The following NT5E variants were observed in gnomAD, a reference collection of about 807,000 sequenced individuals.
The protein encoded by NT5E is 5'-nucleotidase.
In NT5E, 53 loss-of-function variants were observed where a neutral mutation model predicts 55.1. The observed-to-expected ratio is 0.96, with a 90% CI of 0.77 to 1.21. The LOEUF is 1.21. Among genes scored for constraint, NT5E ranks in the 50% most tolerant of loss-of-function variants. The probability of loss-of-function intolerance (pLI) is 0.00; values close to 1 mark genes in which losing one functional copy is unlikely to be tolerated. For synonymous variants in NT5E, 270 were observed against 278.4 expected (o/e 0.97, Z 0.30); for missense variants, 683 against 724.3 (o/e 0.94, Z 0.65).
chr6:85,458,024 C>T (rs912547893), intron 1 of NT5E, among the ~76,000 whole-genome samples: 8 of 152,082 alleles, frequency 5.3e-5, no homozygotes, highest in Admixed American at 1.3e-4. Context: ...GCATCTAAGC[C>T]GAAATCAGCA....
rs1481318710 is a variant in NT5E, at chr6:85,484,006, A to G, written c.752-1229A>G. 2.6e-5 allele frequency among the ~76,000 whole-genome samples: 4 copies of G among 152,144 alleles called. No individual in the cohort carries two copies. The East Asian group carries it at 5.8e-4, about 22-fold the overall frequency. ...GACCGTGGGTACTCTGTCTATGACA[A>G]TCAATTTTCTTGTCTGCAGAGTACA... is the stretch of plus-strand genomic sequence containing the variant. On this transcript the variant is annotated intron_variant, in intron 3 of 8. Transcript: ENST00000257770.
Position 85,471,273 on chromosome 6 carries a change from T to C in NT5E, c.599T>C (p.Leu200Ser). 6.2e-7 allele frequency: 1 copy of C among 1,611,324 alleles called. No homozygotes were observed. Residue 200 changes from leucine (L) to serine (S), a missense_variant, in exon 3 of 9, where the codon TTA becomes TCA. Leu to Ser is a moderately radical substitution (Grantham distance 145, BLOSUM62 -2). Coordinates refer to ENST00000257770, the MANE Select transcript of NT5E (RefSeq NM_002526.4). ...GTGTTTGAAGATGAAATCACTGCAT[T>C]ACAACCTGAAGTAGATAAGTTAAAA... ...NLVFEDEITA[L>S]QPEVDKLKTL... is the part of the protein sequence containing the mutation.
At chr6:85,478,779 T>C (rs1769485878) in intron 3 of NT5E, among the ~76,000 whole-genome samples, 1 of 151,540 alleles carries the variant, frequency 6.6e-6, no homozygotes, top group Non-Finnish European at 1.5e-5. Flanking sequence ...CATATTTATC[T>C]TAGACCTACT....
chr6:85,487,414 T>C lies in NT5E; in HGVS notation c.1029T>C (p.Ile343=), dbSNP rs1176076426. 1 of 1,614,134 alleles carries C rather than the reference T, an allele frequency of 6.2e-7. No individual in the cohort carries two copies. Among genetic ancestry groups the C allele is most frequent in the Non-Finnish European group, 8.5e-7 (1 of 1,179,966 alleles). The part of the protein sequence containing the change: ...NYSTQELGKT[I]VYLDGSSQSC... ...CTACCCAGGAATTAGGGAAAACAAT[T>C]GTCTATCTGGATGGCTCCTCTCAAT... Residue 343 remains isoleucine (I), a synonymous_variant, in exon 5 of 9, where the codon ATT becomes ATC. Coordinates refer to ENST00000257770, the MANE Select transcript of NT5E (RefSeq NM_002526.4).
At chr6:85,487,566 GGGATA>G (rs1217892193) in intron 5 of NT5E, 77 bp downstream of exon 5, 2 of 1,554,680 alleles carry the variant, frequency 1.3e-6, no homozygotes, top group East Asian at 4.5e-5. Context: ...GATGCGAGAA[GGGATA>G]GATCGATAGC....
At chr6:85,473,471 C>T (rs1436002150) in intron 3 of NT5E, among the ~76,000 whole-genome samples, 1 of 152,160 alleles carries the variant, frequency 6.6e-6, no homozygotes, top group African/African-American at 2.4e-5. Context: ...CACCCTTGGA[C>T]ACACAGTGGG....
chr6:85,459,919 A>G (rs9450280), intron 1 of NT5E, among the ~76,000 whole-genome samples: 24,180 of 152,240 alleles, frequency 0.16, 2,117 homozygotes, highest in African/African-American at 0.22. Context: ...TGTTTTGATT[A>G]TTAAAAATAC....
chr6:85,484,479 T>C (rs1769609133), intron 3 of NT5E, among the ~76,000 whole-genome samples: 1 of 152,068 alleles, frequency 6.6e-6, no homozygotes, highest in South Asian at 2.1e-4. Flanking sequence ...CTCCCACATC[T>C]CCCCTTTGAG....
rs938638568 is a variant in NT5E, at chr6:85,494,592, A to C, written c.*588A>C. On this transcript the variant is annotated 3_prime_UTR_variant, in exon 9 of 9. Transcript: ENST00000257770. ...AATACTTAATATCTCCTCTCTTCAT[A>C]ATTATCAATAGCCCCAAGCTCATGG... 6.5e-6 allele frequency: 1 copy of C among 153,904 alleles called. No homozygotes were observed. The highest frequency in any genetic ancestry group is 2.4e-5 in the African/African-American group (1 of 41,440). 9.5% of individuals were successfully genotyped at this position (153,904 alleles called of 1,614,324 possible). A position where few individuals can be genotyped will look rare whatever the true frequency, so the allele number is the denominator to read the frequency against.
At position 85,487,126 on chromosome 6, in the gene NT5E, T is replaced by C. The variant is rs181643338; in HGVS notation, c.950-209T>C. On this transcript the variant is annotated intron_variant, in intron 4 of 8. Transcript: ENST00000257770. Reference sequence around the variant, plus strand: ...GATGAGCTGGTAGATGTTCAGAATATTCTTAAATTAAGATGCATTCCAGGT... The same window carrying C: ...GATGAGCTGGTAGATGTTCAGAATACTCTTAAATTAAGATGCATTCCAGGT... Among the ~76,000 whole-genome samples, 214 of 152,346 alleles carry C rather than the reference T, an allele frequency of 1.4e-3. 1 individual carries two copies. Among genetic ancestry groups the C allele is most frequent in the Middle Eastern group, 0.01 (3 of 294 alleles).
chr6:85,482,928 T>G (rs951190175), intron 3 of NT5E, among the ~76,000 whole-genome samples: 2 of 152,186 alleles, frequency 1.3e-5, no homozygotes, highest in Admixed American at 1.3e-4. Flanking sequence ...AGACCAGCTA[T>G]CGCCCCAGCT....
chr6:85,469,545 A>AG (rs1769262964), intron 2 of NT5E, among the ~76,000 whole-genome samples: 1 of 152,216 alleles, frequency 6.6e-6, no homozygotes, highest in African/African-American at 2.4e-5. Context: ...CAAGTGCAGC[A>AG]GGGGGGAAGG....
chr6:85,462,754 C>G (rs1479799101), intron 1 of NT5E, among the ~76,000 whole-genome samples: 1 of 152,202 alleles, frequency 6.6e-6, no homozygotes, highest in African/African-American at 2.4e-5. Context: ...TAAAACTTTT[C>G]AGAAGTCAGG....
intron 4 of NT5E, among the ~76,000 whole-genome samples, chr6:85,486,041 T>A (rs558929838): frequency 1.3e-5 from 2 of 152,320 alleles, no homozygotes; most frequent in African/African-American, 4.8e-5. Context: ...AACAATGCAC[T>A]GGATATACCA....
chr6:85,480,823 CTT>C (rs1769532551), intron 3 of NT5E, among the ~76,000 whole-genome samples: 1 of 152,208 alleles, frequency 6.6e-6, no homozygotes, highest in South Asian at 2.1e-4. Flanking sequence ...CTAATCAAAT[CTT>C]TGGTTTTACA....
intron 4 of NT5E, 145 bp from the exon 5 acceptor site, chr6:85,487,190 T>C (rs1769685753): frequency 4.1e-6 from 3 of 731,368 alleles, no homozygotes; most frequent in Non-Finnish European, 4.7e-6. Context: ...CCTAAGGAAA[T>C]TTCATGGTCA....
chr6:85,453,738 A>G (rs556087732), intron 1 of NT5E, among the ~76,000 whole-genome samples: 2 of 152,162 alleles, frequency 1.3e-5, no homozygotes, highest in African/African-American at 2.4e-5. Context: ...GCCCTAGCCA[A>G]TTGCTCCTAA....
At position 85,482,429 on chromosome 6, in the gene NT5E, AAAAG is replaced by A. The variant is rs971893222; in HGVS notation, c.752-2800_752-2797del. Among the ~76,000 whole-genome samples, 15 of 152,288 alleles carry A rather than the reference AAAAG, an allele frequency of 9.8e-5. No homozygotes were observed. In the East Asian group the frequency reaches 1.4e-3, roughly 14 times the overall value. On this transcript the variant is annotated intron_variant, in intron 3 of 8. Transcript: ENST00000257770. ...GGAGGGAAGGTGGAAGAAAGAAAAA[AAAAG>A]AAAGAGAAAGAAAAGGCTGCTTCCT...
intron 3 of NT5E, among the ~76,000 whole-genome samples, chr6:85,474,317 T>C (rs1769382489): frequency 6.6e-6 from 1 of 152,224 alleles, no homozygotes; most frequent in Non-Finnish European, 1.5e-5. Context: ...CCATCCTTTT[T>C]TAGAAAATAA....
Sources: gnomAD v4.1 joint callset for allele counts (sites outside exome capture counted in the v4.1 genomes callset) on GRCh38, gnomAD v4.1.1 for gene constraint, MANE v1.5 for transcripts, NCBI Gene and HGNC (gene_info 2026-07-23, HGNC 2026-07-21) for gene names.